The following CSMD1 variants were observed in gnomAD, a reference collection of about 807,000 sequenced individuals.
CSMD1 encodes the protein CUB and sushi domain-containing protein 1.
A neutral mutation model predicts 417.5 loss-of-function variants in CSMD1; 213 were observed. The ratio of observed to expected loss-of-function variants is 0.51; its 90% confidence interval spans 0.46 to 0.57. CSMD1 has a LOEUF of 0.57. Ranked by LOEUF, CSMD1 falls within the 20% of genes least tolerant of loss-of-function variation. The pLI is 0.00. For missense variants in CSMD1, 6,923 were observed against 4,529.7 expected (o/e 1.53, Z -15.17); for synonymous variants, 2,862 against 1,736.8 (o/e 1.65, Z -16.11).
intron 7 of CSMD1, among the ~76,000 whole-genome samples, chr8:3,629,795 G>A (rs1796687305): frequency 6.6e-6 from 1 of 152,166 alleles, no homozygotes; most frequent in Admixed American, 6.5e-5. Context: ...CACAGTATAA[G>A]GAAAGGCTAA....
At chr8:4,310,182 A>G (rs368876667) in intron 3 of CSMD1, among the ~76,000 whole-genome samples, 1 of 152,154 alleles carries the variant, frequency 6.6e-6, no homozygotes, top group Non-Finnish European at 1.5e-5. Context: ...GACCATAAAG[A>G]AACAATGGTA....
intron 5 of CSMD1, among the ~76,000 whole-genome samples, chr8:3,892,703 A>T (rs1032422621): frequency 7.0e-6 from 1 of 142,252 alleles, no homozygotes; most frequent in African/African-American, 2.6e-5. Flanking sequence ...TTATTTGAGT[A>T]CATTTAGGCA....
intron 1 of CSMD1, among the ~76,000 whole-genome samples, chr8:4,652,567 G>A (rs535005888): frequency 3.2e-4 from 48 of 152,008 alleles, no homozygotes; most frequent in Admixed American, 5.9e-4. Context: ...CAGGAGAATC[G>A]CTTGAACCCG....
At chr8:4,389,279 G>T (rs540259360) in intron 3 of CSMD1, among the ~76,000 whole-genome samples, 1 of 152,094 alleles carries the variant, frequency 6.6e-6, no homozygotes, top group Non-Finnish European at 1.5e-5. Context: ...TACAGAACCA[G>T]GAGAATTAGA....
chr8:3,819,820 C>T (rs1178312086), intron 5 of CSMD1, among the ~76,000 whole-genome samples: 5 of 152,094 alleles, frequency 3.3e-5, no homozygotes, highest in African/African-American at 7.2e-5. Context: ...ACTGAGATTA[C>T]AGGCGTGACC....
chr8:3,352,762 C>T (rs1339776353), intron 21 of CSMD1, among the ~76,000 whole-genome samples: 2 of 152,134 alleles, frequency 1.3e-5, no homozygotes, highest in Non-Finnish European at 2.9e-5. Flanking sequence ...CTTGCTTGAA[C>T]CCAGGAGGTG....
chr8:4,531,136 G>A (rs1259159826), intron 2 of CSMD1, among the ~76,000 whole-genome samples: 5 of 152,140 alleles, frequency 3.3e-5, no homozygotes, highest in Non-Finnish European at 1.5e-5. Context: ...TAACTTAACT[G>A]TGTGAGTAGG....
At chr8:4,769,046 A>G (rs1796473300) in intron 1 of CSMD1, among the ~76,000 whole-genome samples, 1 of 152,200 alleles carries the variant, frequency 6.6e-6, no homozygotes, top group South Asian at 2.1e-4. Flanking sequence ...CTCGGGGAAT[A>G]TCATTTAGAA....
chr8:4,836,013 G>A (rs916234251), intron 1 of CSMD1, among the ~76,000 whole-genome samples: 3 of 152,138 alleles, frequency 2.0e-5, no homozygotes, highest in Non-Finnish European at 4.4e-5. Flanking sequence ...TAACTAGGAT[G>A]TGAAAAATAA....
intron 2 of CSMD1, among the ~76,000 whole-genome samples, chr8:4,493,482 G>A (rs555357519): frequency 6.6e-6 from 1 of 152,224 alleles, no homozygotes; most frequent in African/African-American, 2.4e-5. Context: ...GATTGCTTGA[G>A]TCCAGGAGTT....
chr8:4,021,823 A>T (rs1796802825), intron 4 of CSMD1, among the ~76,000 whole-genome samples: 1 of 152,210 alleles, frequency 6.6e-6, no homozygotes, highest in African/African-American at 2.4e-5. Context: ...GAAACTAAAG[A>T]CCCGGGGCTC....
At chr8:4,549,651 G>A (rs755475461) in intron 2 of CSMD1, among the ~76,000 whole-genome samples, 3 of 152,042 alleles carry the variant, frequency 2.0e-5, no homozygotes, top group Non-Finnish European at 2.9e-5. Flanking sequence ...CACCTTGGGA[G>A]GCTGAGGCAG....
At chr8:3,457,157 C>T (rs1256588291) in intron 12 of CSMD1, among the ~76,000 whole-genome samples, 1 of 141,596 alleles carries the variant, frequency 7.1e-6, no homozygotes, top group Non-Finnish European at 1.6e-5. Context: ...AACACCTCAT[C>T]CTGTACCTCT....
rs117846592 is a variant in CSMD1, at chr8:3,463,143, T to C, written c.1561+5569A>G. ...AAGCCAACTCTATCTCCATATTCTG[T>C]TACGGCAACCTGAATGAACTAACTG... On this transcript the variant is annotated intron_variant, in intron 12 of 69. Coordinates refer to ENST00000635120, the MANE Select transcript of CSMD1 (RefSeq NM_033225.6). 8.9e-3 allele frequency among the ~76,000 whole-genome samples: 1,349 copies of C among 152,296 alleles called. 5 individuals carry two copies. Among genetic ancestry groups the C allele is most frequent in the Middle Eastern group, 0.014 (4 of 294 alleles).
Position 3,307,815 on chromosome 8 carries a change from C to T in CSMD1, c.3830G>A (p.Cys1277Tyr). ...DKPLPSCIAECGGQIHAATSG... is the reference protein window; with the variant it reads ...DKPLPSCIAEYGGQIHAATSG... ...TGTGGCTGCATGGATCTGACCACCACATTCCGCTGTAGAAGACACAGAGAG... is the reference window on the plus strand; with the variant it reads ...TGTGGCTGCATGGATCTGACCACCATATTCCGCTGTAGAAGACACAGAGAG... Residue 1277 changes from cysteine to tyrosine, a missense_variant, in exon 25 of 70, where the codon TGT (cysteine) becomes TAT (tyrosine). Coordinates refer to ENST00000635120, the MANE Select transcript of CSMD1 (RefSeq NM_033225.6). 2 of 1,612,550 alleles carry T rather than the reference C, an allele frequency of 1.2e-6. No individual in the cohort carries two copies. Among genetic ancestry groups the T allele is most frequent in the African/African-American group, 1.3e-5 (1 of 75,002 alleles).
At chr8:4,514,075 TA>T (rs1802977408) in intron 2 of CSMD1, among the ~76,000 whole-genome samples, 2 of 152,170 alleles carry the variant, frequency 1.3e-5, no homozygotes, top group East Asian at 3.9e-4. Flanking sequence ...ATTTTTATTT[TA>T]TTATTATTAT....
intron 3 of CSMD1, among the ~76,000 whole-genome samples, chr8:4,158,819 T>C (rs1563201825): frequency 6.6e-6 from 1 of 152,200 alleles, no homozygotes; most frequent in Non-Finnish European, 1.5e-5. Context: ...TATGGGATGA[T>C]GTAGAATCCA....
chr8:3,708,996 C>A (rs895574208), intron 6 of CSMD1, among the ~76,000 whole-genome samples: 1 of 152,162 alleles, frequency 6.6e-6, no homozygotes. Context: ...GCATGCTCTA[C>A]GTGCTGTAGA....
chr8:4,579,584 G>A (rs1045541886), intron 2 of CSMD1, among the ~76,000 whole-genome samples: 2 of 151,956 alleles, frequency 1.3e-5, no homozygotes, highest in Non-Finnish European at 1.5e-5. Flanking sequence ...GGCTGGTCTC[G>A]AGATCCTCAC....
Sources: allele counts gnomAD v4.1 joint callset (sites outside exome capture counted in the v4.1 genomes callset), GRCh38; gene constraint gnomAD v4.1.1; transcripts MANE v1.5; gene names NCBI Gene and HGNC (gene_info 2026-07-23, HGNC 2026-07-21).